Variants in MICAL2 observed in about 807,000 individuals in gnomAD.
MICAL2 encodes the protein microtubule associated monooxygenase, calponin and LIM domain containing 2.
Under a neutral mutation model 127.3 loss-of-function variants are expected in MICAL2, and 77 were observed. The ratio of observed to expected loss-of-function variants is 0.60; its 90% CI spans 0.50 to 0.73. MICAL2 has a LOEUF of 0.73. Ranked by LOEUF, MICAL2 falls within the 30% of genes least tolerant of loss-of-function variation. The pLI, the probability that MICAL2 is intolerant of heterozygous loss-of-function variation, is 0.00. For synonymous variants in MICAL2, 570 were observed against 551.1 expected, an observed-to-expected ratio of 1.03 and a Z score of -0.48; for missense variants, 1,351 against 1,434.4, an observed-to-expected ratio of 0.94 and a Z score of 0.94.
At chr11:12,297,191 C>T (rs768692097), downstream of MICAL2, among the ~76,000 whole-genome samples, 5 of 152,152 alleles carry the variant, frequency 3.3e-5, no homozygotes, top group Non-Finnish European at 7.4e-5. Flanking sequence ...AACTCGATTT[C>T]TACATTTGCA....
At chr11:12,115,774 C>T (rs547100604) in intron 1 of MICAL2, among the ~76,000 whole-genome samples, 1 of 152,104 alleles carries the variant, frequency 6.6e-6, no homozygotes, top group Non-Finnish European at 1.5e-5. Context: ...AAAGAAAAAT[C>T]CAAATATTTA....
chr11:12,239,363 G>A, intron 16 of MICAL2, 73 bp from the exon 17 acceptor site: 1 of 1,601,586 alleles, frequency 6.2e-7, no homozygotes, highest in Non-Finnish European at 8.5e-7. Context: ...CCCACGTCCT[G>A]AGTCCCCAAG....
intron 3 of MICAL2, among the ~76,000 whole-genome samples, chr11:12,186,567 T>A (rs932345096): frequency 1.3e-5 from 2 of 152,112 alleles, no homozygotes; most frequent in African/African-American, 4.8e-5. Flanking sequence ...TAAAGATGCA[T>A]GGTCTCTTCA....
intron 15 of MICAL2, among the ~76,000 whole-genome samples, chr11:12,231,441 C>G (rs1043626335): frequency 6.6e-6 from 1 of 152,164 alleles, no homozygotes. Context: ...CCAGGTCCCC[C>G]TCCCCAACCC....
At position 12,349,779 on chromosome 11, in the gene MICAL2, G is replaced by A. The variant is rs899018420; in HGVS notation, c.5516-59G>A. 3.2e-6 allele frequency: 5 copies of A among 1,554,786 alleles called. No individual in the cohort carries two copies. The Admixed American group carries it at 8.4e-5, about 26-fold the overall frequency. On this transcript the variant is annotated intron_variant, in intron 32 of 34. Transcript: ENST00000646065. ...TAACCTGCTAAAGTGGCTCAAAGCA[G>A]TTTGATCATGGGGAGAGAAATGCCA...
intron 15 of MICAL2, among the ~76,000 whole-genome samples, chr11:12,228,609 G>A (rs1416235657): frequency 6.6e-6 from 1 of 152,212 alleles, no homozygotes; most frequent in African/African-American, 2.4e-5. Flanking sequence ...TTGAGGCGCT[G>A]GCAGAGGCAG....
At chr11:12,136,237 T>A (rs1851822093) in intron 1 of MICAL2, among the ~76,000 whole-genome samples, 2 of 152,132 alleles carry the variant, frequency 1.3e-5, no homozygotes, top group African/African-American at 4.8e-5. Flanking sequence ...TCATTCTGGT[T>A]GATTACAAAG....
intron 9 of MICAL2, 141 bp downstream of exon 9, chr11:12,220,599 G>T: frequency 8.1e-7 from 1 of 1,229,504 alleles, no homozygotes; most frequent in Non-Finnish European, 1.1e-6. Flanking sequence ...AGCCTGTCCC[G>T]GCCTCAGAGC....
At chr11:12,117,995 G>A (rs1310219876) in intron 1 of MICAL2, among the ~76,000 whole-genome samples, 1 of 152,226 alleles carries the variant, frequency 6.6e-6, no homozygotes, top group East Asian at 1.9e-4. Flanking sequence ...TCCATGTCGG[G>A]AGAGCTTCCC....
chr11:12,186,164 A>G (rs1256113854), intron 3 of MICAL2, among the ~76,000 whole-genome samples: 3 of 152,262 alleles, frequency 2.0e-5, no homozygotes, highest in African/African-American at 4.8e-5. Flanking sequence ...AGAGCTCTCC[A>G]GTGCTTAAGA....
chr11:12,221,816 G>C, intron 10 of MICAL2, 57 bp downstream of exon 10: 1 of 1,419,776 alleles, frequency 7.0e-7, no homozygotes, highest in Non-Finnish European at 9.9e-7. Flanking sequence ...GCAGGAAAGG[G>C]GGCAAGATCA....
chr11:12,292,387 T>A (rs1436410633), downstream of MICAL2: 76 of 1,427,128 alleles, frequency 5.3e-5, 1 homozygote, highest in Non-Finnish European at 5.8e-6. Flanking sequence ...GGATTCCACG[T>A]GCTCATAGGT....
At chr11:12,164,178 C>T (rs1855191101) in intron 3 of MICAL2, among the ~76,000 whole-genome samples, 1 of 152,052 alleles carries the variant, frequency 6.6e-6, no homozygotes, top group African/African-American at 2.4e-5. Context: ...TGAAATAGAA[C>T]AGTCATCACA....
chr11:12,236,478 C>G (rs992556231), intron 16 of MICAL2, among the ~76,000 whole-genome samples: 1 of 152,170 alleles, frequency 6.6e-6, no homozygotes, highest in Middle Eastern at 3.2e-3. Flanking sequence ...ATGTCTGTAA[C>G]GTGCAATGAT....
At chr11:12,235,895 A>G (rs1176454652) in intron 15 of MICAL2, among the ~76,000 whole-genome samples, 1 of 152,198 alleles carries the variant, frequency 6.6e-6, no homozygotes, top group African/African-American at 2.4e-5. Flanking sequence ...TTGATGTTTC[A>G]TGAAGATCTT....
intron 29 of MICAL2, among the ~76,000 whole-genome samples, chr11:12,305,041 C>G (rs1409508564): frequency 1.3e-5 from 2 of 152,056 alleles, no homozygotes; most frequent in Non-Finnish European, 2.9e-5. Context: ...AGTAGTGTCC[C>G]CCTTATCCAC....
intron 2 of MICAL2, among the ~76,000 whole-genome samples, chr11:12,150,459 A>G (rs1853444982): frequency 6.6e-6 from 1 of 152,022 alleles, no homozygotes; most frequent in Admixed American, 6.6e-5. Context: ...AAAAATGCAC[A>G]CAAAACATAG....
In MICAL2 at chr11:12,242,494, C is replaced by T. The variant is rs1464134060; in HGVS notation, c.2556+62C>T. 18 of 1,531,660 alleles carry T rather than the reference C, an allele frequency of 1.2e-5. No individual in the cohort carries two copies. In the Admixed American group the frequency reaches 3.2e-4, roughly 28 times the overall value. 94.9% of individuals were successfully genotyped at this position (1,531,660 alleles called of 1,614,324 possible). On this transcript the variant is annotated intron_variant, in intron 19 of 27. Coordinates refer to ENST00000683283, the MANE Select transcript of MICAL2 (RefSeq NM_001282663.2). ...CTGGGTGACTTCCTTTCTTCCCCTC[C>T]CTCCTCCTACCCGGGTGGGTTCCTC...
chr11:12,171,296 T>C (rs75390271), intron 3 of MICAL2, among the ~76,000 whole-genome samples: 10,634 of 152,276 alleles, frequency 0.07, 451 homozygotes, highest in Admixed American at 0.13. Flanking sequence ...AGGGAGTCTC[T>C]GGCCAGGATT....
Sources: allele counts gnomAD v4.1 joint callset (sites outside exome capture counted in the v4.1 genomes callset), GRCh38; gene constraint gnomAD v4.1.1; transcripts MANE v1.5; gene names NCBI Gene and HGNC (gene_info 2026-07-23, HGNC 2026-07-21).